The following ZMYND8 variants were observed in gnomAD, a reference collection of about 807,000 sequenced individuals.
ZMYND8 encodes MYND-type zinc finger-containing chromatin reader ZMYND8.
A neutral mutation model predicts 140.8 loss-of-function variants in ZMYND8; 37 were observed. The observed-to-expected ratio is 0.26, with a 90% CI of 0.20 to 0.35. The LOEUF is 0.35. Ranked by LOEUF, ZMYND8 falls within the 10% of genes least tolerant of loss-of-function variation. The pLI is 1.00. For synonymous variants in ZMYND8, 592 were observed against 597.1 expected, an observed-to-expected ratio of 0.99 and a Z score of 0.12; for missense variants, 1,068 against 1,570.0, an observed-to-expected ratio of 0.68 and a Z score of 5.40.
chr20:47,355,555 A>G (rs2083154469), intron 1 of ZMYND8: 1 of 950,704 alleles, frequency 1.1e-6, no homozygotes, highest in African/African-American at 1.8e-5. Flanking sequence ...AAACAGTTAC[A>G]TGGTATTATT....
At chr20:47,245,750 C>G (rs925338253) in intron 14 of ZMYND8, among the ~76,000 whole-genome samples, 2 of 152,184 alleles carry the variant, frequency 1.3e-5, no homozygotes, top group African/African-American at 2.4e-5. Flanking sequence ...ACTTCTCTTT[C>G]TGTACTCAAA....
chr20:47,309,917 T>G, intron 3 of ZMYND8, 139 bp downstream of exon 3: 1 of 1,193,652 alleles, frequency 8.4e-7, no homozygotes, highest in Non-Finnish European at 1.2e-6. Flanking sequence ...CATCTTTTTT[T>G]GTCCAAGGCA....
chr20:47,216,150 T>C (rs998603433), intron 21 of ZMYND8, among the ~76,000 whole-genome samples: 10 of 151,912 alleles, frequency 6.6e-5, no homozygotes, highest in African/African-American at 1.7e-4. Context: ...ACTTGAGAAA[T>C]AGCCATCATG....
chr20:47,318,561 C>G (rs2079604387), intron 2 of ZMYND8: 1 of 367,120 alleles, frequency 2.7e-6, no homozygotes, highest in Non-Finnish European at 5.4e-6. Context: ...AAATTGTCCT[C>G]GCAGCAGAGA....
intron 14 of ZMYND8, among the ~76,000 whole-genome samples, chr20:47,242,331 A>G (rs1256590347): frequency 1.3e-5 from 2 of 152,182 alleles, no homozygotes; most frequent in African/African-American, 4.8e-5. Context: ...CAAGCTGGTC[A>G]GCAAGAGCCT....
chr20:47,237,181 CG>C (rs2039353035), intron 15 of ZMYND8: 1 of 150,554 alleles, frequency 6.6e-6, no homozygotes, highest in Non-Finnish European at 1.5e-5. Flanking sequence ...CTCACTCTGT[CG>C]CCCAGGCTGG....
At chr20:47,313,477 C>T (rs1418417360) in intron 2 of ZMYND8, among the ~76,000 whole-genome samples, 1 of 151,790 alleles carries the variant, frequency 6.6e-6, no homozygotes, top group Non-Finnish European at 1.5e-5. Context: ...AAAAAATTAG[C>T]CGGGCGTGGT....
At chr20:47,276,921 A>C in intron 10 of ZMYND8, 126 bp from the exon 11 acceptor site, 1 of 1,027,328 alleles carries the variant, frequency 9.7e-7, no homozygotes, top group Non-Finnish European at 1.3e-6. Flanking sequence ...AAAAAAAAAA[A>C]AAAAAAAACT....
chr20:47,243,145 G>C (rs925696463), intron 14 of ZMYND8, among the ~76,000 whole-genome samples: 3 of 152,226 alleles, frequency 2.0e-5, no homozygotes, highest in African/African-American at 7.2e-5. Context: ...TTTGCCATCT[G>C]AAGATTCATA....
chr20:47,242,628 T>C (rs894639654), intron 14 of ZMYND8, among the ~76,000 whole-genome samples: 1 of 152,202 alleles, frequency 6.6e-6, no homozygotes, highest in Non-Finnish European at 1.5e-5. Flanking sequence ...TCGTTTTCTC[T>C]CTCCTGATTT....
Position 47,303,547 on chromosome 20 carries a change from G to A in ZMYND8, c.235-4600C>T, listed in dbSNP as rs183333736. On this transcript the variant is annotated intron_variant, in intron 3 of 22. Transcript: ENST00000471951. ...AGCCTGGCCAACATGGCGAAACCCCGTCTCTACTAAAACTATAGGTGGGCG... is the reference window on the plus strand; with the variant it reads ...AGCCTGGCCAACATGGCGAAACCCCATCTCTACTAAAACTATAGGTGGGCG... 2.4e-3 allele frequency among the ~76,000 whole-genome samples: 369 copies of A among 152,158 alleles called. 1 individual carries two copies. The highest frequency in any genetic ancestry group is 8.4e-3 in the African/African-American group (349 of 41,510).
At chr20:47,230,758 A>G (rs908276567) in intron 16 of ZMYND8, among the ~76,000 whole-genome samples, 10 of 152,148 alleles carry the variant, frequency 6.6e-5, no homozygotes, top group African/African-American at 1.7e-4. Context: ...AGAGTTGTGT[A>G]TCTGTCACCA....
chr20:47,268,570 G>A (rs984256250), intron 11 of ZMYND8, among the ~76,000 whole-genome samples: 15 of 150,956 alleles, frequency 9.9e-5, no homozygotes, highest in Non-Finnish European at 1.2e-4. Context: ...TGGGATTACA[G>A]GTGTGAGCCA....
chr20:47,236,259 G>T (rs1021413298), intron 16 of ZMYND8, 67 bp downstream of exon 16: 1 of 1,601,450 alleles, frequency 6.2e-7, no homozygotes, highest in African/African-American at 1.3e-5. Context: ...CTTCCCCTCG[G>T]GAGACCAAGA....
In ZMYND8 at chr20:47,276,295, T is replaced by A; in HGVS notation, c.1480+19A>T. On this transcript the variant is annotated intron_variant, in intron 11 of 22. Transcript: ENST00000471951. ...CGTGTCCAAGGGGCCTCCTCCCCGC[T>A]CCCCCGCACGGAGCTGACCTGTGCT... 1 of 1,504,618 alleles carries A rather than the reference T, an allele frequency of 6.6e-7. No individual in the cohort carries two copies. Among genetic ancestry groups the A allele is most frequent in the Non-Finnish European group, 8.9e-7 (1 of 1,128,850 alleles). The allele number at this position is 1,504,618 out of a possible 1,614,324, so 93.2% of individuals were successfully genotyped here.
intron 16 of ZMYND8, among the ~76,000 whole-genome samples, chr20:47,234,552 T>C: frequency 6.6e-6 from 1 of 152,144 alleles, no homozygotes; most frequent in East Asian, 1.9e-4. Flanking sequence ...CTGCAAGAGA[T>C]CCTGAAGCGG....
chr20:47,262,818 G>A (rs909526149), intron 11 of ZMYND8, among the ~76,000 whole-genome samples: 4 of 152,118 alleles, frequency 2.6e-5, no homozygotes, highest in Admixed American at 6.5e-5. Context: ...TTACAAATGC[G>A]TATCATCTGT....
intron 7 of ZMYND8, among the ~76,000 whole-genome samples, chr20:47,289,897 A>C (rs2077150431): frequency 1.3e-5 from 2 of 152,256 alleles, no homozygotes; most frequent in South Asian, 2.1e-4. Flanking sequence ...AATTCAGTGA[A>C]TATAAACATA....
rs144471428 is a variant in ZMYND8 at position 47,233,116 on chromosome 20, A to G, written c.2856+3210T>C. Among the ~76,000 whole-genome samples, 283 of 151,494 alleles carry G rather than the reference A, an allele frequency of 1.9e-3. 8 individuals carry two copies. In the East Asian group the frequency reaches 0.052, roughly 28 times the overall value. ...GAGACGGGGTTCTGCCATGTTGGCC[A>G]GGCTAGTCTCGAACTCCTGACCTCA... On this transcript the variant is annotated intron_variant, in intron 16 of 22. Transcript: ENST00000471951.
Sources: allele counts gnomAD v4.1 joint callset (sites outside exome capture counted in the v4.1 genomes callset), GRCh38; gene constraint gnomAD v4.1.1; transcripts MANE v1.5; gene names NCBI Gene and HGNC (gene_info 2026-07-23, HGNC 2026-07-21).